The following TRHDE variants were observed in gnomAD, a reference collection of about 807,000 sequenced individuals.
TRHDE encodes the protein thyrotropin-releasing hormone-degrading ectoenzyme.
In TRHDE, 72 loss-of-function variants were observed where a neutral mutation model predicts 125.7. That is an observed-to-expected ratio of 0.57 (90% CI 0.47 to 0.70). TRHDE has a LOEUF of 0.70. Among genes scored for constraint, TRHDE ranks in the 30% least tolerant of loss-of-function variants. The probability of loss-of-function intolerance (pLI) is 0.00; values close to 1 mark genes in which losing one functional copy is unlikely to be tolerated. For missense variants in TRHDE, 1,110 were observed against 1,327.1 expected (o/e 0.84, Z 2.54); for synonymous variants, 509 against 509.1 (o/e 1.00, Z 0.00).
intron 1 of TRHDE, among the ~76,000 whole-genome samples, chr12:72,282,204 T>A (rs969822284): frequency 9.9e-5 from 15 of 152,258 alleles, no homozygotes; most frequent in African/African-American, 3.1e-4. Context: ...CCTTCTGCCT[T>A]TTGCTGTTTT....
intron 2 of TRHDE, among the ~76,000 whole-genome samples, chr12:72,331,001 G>A (rs939739002): frequency 3.3e-5 from 5 of 152,100 alleles, no homozygotes; most frequent in African/African-American, 1.2e-4. Flanking sequence ...GTTGCTCCGA[G>A]AACCACATTT....
chr12:72,449,203 T>G (rs1875450749), intron 3 of TRHDE, among the ~76,000 whole-genome samples: 1 of 151,972 alleles, frequency 6.6e-6, no homozygotes, highest in African/African-American at 2.4e-5. Context: ...GCCAAAAAAT[T>G]TATGTTTGAA....
chr12:72,351,154 G>A lies in TRHDE; in HGVS notation c.1189-26841G>A, dbSNP rs113458441. Among the ~76,000 whole-genome samples, 576 of 152,078 alleles carry A rather than the reference G, an allele frequency of 3.8e-3. 6 individuals carry two copies. Among genetic ancestry groups the A allele is most frequent in the African/African-American group, 0.013 (555 of 41,550 alleles). On this transcript the variant is annotated intron_variant, in intron 2 of 18. Coordinates refer to ENST00000261180, the MANE Select transcript of TRHDE (RefSeq NM_013381.3). ...AACTGCAATAAATTCTTAGATAAGA[G>A]TGAAGCTCTGGGAAGTAAGCATCTT...
At chr12:72,427,641 G>A (rs1382749448) in intron 3 of TRHDE, among the ~76,000 whole-genome samples, 2 of 152,092 alleles carry the variant, frequency 1.3e-5, no homozygotes, top group Non-Finnish European at 2.9e-5. Context: ...ATTCACGTAA[G>A]TTATTGAGAA....
chr12:72,301,073 C>T (rs1868254325), intron 2 of TRHDE, among the ~76,000 whole-genome samples: 1 of 152,106 alleles, frequency 6.6e-6, no homozygotes, highest in African/African-American at 2.4e-5. Flanking sequence ...AAACTTAGTA[C>T]TATATGATCC....
intron 1 of TRHDE, among the ~76,000 whole-genome samples, chr12:72,093,295 T>C (rs560900928): frequency 6.6e-6 from 1 of 152,224 alleles, no homozygotes; most frequent in East Asian, 1.9e-4. Flanking sequence ...TAATTTGTCT[T>C]GCAGTGTTCT....
intron 2 of TRHDE, among the ~76,000 whole-genome samples, chr12:72,124,093 T>C (rs565633423): frequency 2.0e-5 from 3 of 152,272 alleles, no homozygotes; most frequent in South Asian, 4.1e-4. Context: ...GAGATTCAGA[T>C]ACCAGGCACC....
intron 2 of TRHDE, among the ~76,000 whole-genome samples, chr12:72,251,979 T>G (rs1878696321): frequency 6.6e-6 from 1 of 152,178 alleles, no homozygotes; most frequent in African/African-American, 2.4e-5. Context: ...ATCAATTTTC[T>G]GGTTGAATTA....
chr12:72,461,980 G>A (rs1876146394), intron 3 of TRHDE, among the ~76,000 whole-genome samples: 1 of 152,094 alleles, frequency 6.6e-6, no homozygotes, highest in Non-Finnish European at 1.5e-5. Context: ...TGCAAAGCGG[G>A]TACTGTTAAT....
chr12:72,132,272 G>C (rs1875882316), intron 2 of TRHDE, among the ~76,000 whole-genome samples: 1 of 151,984 alleles, frequency 6.6e-6, no homozygotes, highest in South Asian at 2.1e-4. Flanking sequence ...GTAGTTAACA[G>C]CACTTGAAAA....
At chr12:72,161,155 C>A (rs1876627685) in intron 2 of TRHDE, among the ~76,000 whole-genome samples, 1 of 152,148 alleles carries the variant, frequency 6.6e-6, no homozygotes, top group Non-Finnish European at 1.5e-5. Context: ...ATTTTGCCAG[C>A]CAGCTGCAGT....
chr12:72,559,393 T>C (rs1237803675), intron 7 of TRHDE, among the ~76,000 whole-genome samples: 23 of 152,200 alleles, frequency 1.5e-4, no homozygotes, highest in Non-Finnish European at 2.9e-5. Flanking sequence ...CTAGTGAATG[T>C]TGGACCTTGT....
chr12:72,142,615 T>A (rs1333473656), intron 2 of TRHDE, among the ~76,000 whole-genome samples: 2 of 152,152 alleles, frequency 1.3e-5, no homozygotes, highest in Non-Finnish European at 2.9e-5. Flanking sequence ...CAGACATTCC[T>A]GTTTTCATGC....
chr12:72,612,114 G>A (rs974224209), intron 12 of TRHDE, among the ~76,000 whole-genome samples: 7 of 152,118 alleles, frequency 4.6e-5, no homozygotes, highest in Non-Finnish European at 7.3e-5. Context: ...ATCCCAGTCT[G>A]TTCCTATCTC....
At chr12:72,292,509 T>A (rs1264089191) in intron 2 of TRHDE, among the ~76,000 whole-genome samples, 1 of 152,236 alleles carries the variant, frequency 6.6e-6, no homozygotes, top group Non-Finnish European at 1.5e-5. Context: ...TTGAGTGTTT[T>A]GCCTGGAAAT....
rs1302283762 is a variant in TRHDE at position 72,652,364 on chromosome 12, G to A, written c.2718G>A (p.Val906=). The A allele has an allele frequency of 2.5e-6, 4 of 1,605,004 alleles. No homozygotes were observed. The African/African-American group carries it at 5.4e-5, about 22-fold the overall frequency. The change falls in exon 16 of 19, where the codon GTG becomes GTA. Residue 906 remains valine, a synonymous_variant. Transcript: ENST00000261180. ...NVRDIVYCTG[V]SLLDEDVWEF... ...GAGACATCGTATACTGTACAGGAGT[G>A]TCACTACTGGATGAGGATGTCTGGG...
At chr12:72,314,531 A>G (rs897593901) in intron 2 of TRHDE, among the ~76,000 whole-genome samples, 1 of 152,150 alleles carries the variant, frequency 6.6e-6, no homozygotes, top group African/African-American at 2.4e-5. Flanking sequence ...GATATGAATT[A>G]ATTTTATTTG....
chr12:72,244,152 G>A (rs1878532049), intron 2 of TRHDE, among the ~76,000 whole-genome samples: 1 of 152,110 alleles, frequency 6.6e-6, no homozygotes, highest in Non-Finnish European at 1.5e-5. Context: ...TTGCACATTG[G>A]TGTATAGATT....
At chr12:72,248,139 G>T (rs2139385140) in intron 2 of TRHDE, among the ~76,000 whole-genome samples, 1 of 152,206 alleles carries the variant, frequency 6.6e-6, no homozygotes, top group Admixed American at 6.5e-5. Context: ...AAGTGCTTAG[G>T]CCGGGTGCGG....
Sources: allele counts gnomAD v4.1 joint callset (sites outside exome capture counted in the v4.1 genomes callset), GRCh38; gene constraint gnomAD v4.1.1; transcripts MANE v1.5; gene names NCBI Gene and HGNC (gene_info 2026-07-23, HGNC 2026-07-21).